The following EYS variants were observed in gnomAD, a reference collection of about 807,000 sequenced individuals.
The protein encoded by EYS is EGF-like photoreceptor maintenance factor.
Under a neutral mutation model 282.1 loss-of-function variants are expected in EYS, and 250 were observed. The observed-to-expected ratio is 0.89, with a 90% CI of 0.80 to 0.98. The LOEUF (loss-of-function observed/expected upper bound fraction) is 0.98. Among genes scored for constraint, EYS ranks in the 50% least tolerant of loss-of-function variants. EYS has a pLI of 0.00. For missense variants in EYS, 4,016 were observed against 3,709.0 expected (o/e 1.08, Z -2.15); for synonymous variants, 1,355 against 1,282.9 (o/e 1.06, Z -1.20).
chr6:64,629,768 GC>G (rs1231916243), intron 22 of EYS, among the ~76,000 whole-genome samples: 1 of 152,096 alleles, frequency 6.6e-6, no homozygotes, highest in Non-Finnish European at 1.5e-5. Flanking sequence ...AGGTCCAAGA[GC>G]TTTTTTCAAA....
chr6:64,519,546 C>T (rs1312585803), intron 26 of EYS, among the ~76,000 whole-genome samples: 2 of 151,756 alleles, frequency 1.3e-5, no homozygotes, highest in African/African-American at 2.4e-5. Flanking sequence ...TCACTTTTAG[C>T]TGAGATGCCT....
chr6:63,732,603 A>G (rs148567439), intron 41 of EYS, among the ~76,000 whole-genome samples: 1 of 152,310 alleles, frequency 6.6e-6, no homozygotes, highest in East Asian at 1.9e-4. Flanking sequence ...TTGTATGTCT[A>G]TCAACTCCTA....
At chr6:64,008,156 C>T (rs1446584656) in intron 33 of EYS, among the ~76,000 whole-genome samples, 1 of 151,984 alleles carries the variant, frequency 6.6e-6, no homozygotes, top group African/African-American at 2.4e-5. Flanking sequence ...GAATCTGGGT[C>T]CTGTGATAGG....
At chr6:63,891,163 A>G (rs967775328) in intron 35 of EYS, among the ~76,000 whole-genome samples, 4 of 152,210 alleles carry the variant, frequency 2.6e-5, no homozygotes, top group Non-Finnish European at 5.9e-5. Flanking sequence ...AGAGGTACAA[A>G]GAGGAGCTGG....
At chr6:64,762,351 G>C (rs1427754786) in intron 22 of EYS, among the ~76,000 whole-genome samples, 1 of 152,074 alleles carries the variant, frequency 6.6e-6, no homozygotes, top group South Asian at 2.1e-4. Flanking sequence ...ACTCATTAGG[G>C]ACTCAATTCA....
intron 31 of EYS, among the ~76,000 whole-genome samples, chr6:64,184,219 G>T (rs1429682026): frequency 6.6e-6 from 1 of 152,150 alleles, no homozygotes; most frequent in Non-Finnish European, 1.5e-5. Context: ...ATGTGGGCAA[G>T]TGTCTCGTCT....
chr6:64,515,307 G>A (rs1024937467), intron 26 of EYS, among the ~76,000 whole-genome samples: 2 of 151,500 alleles, frequency 1.3e-5, no homozygotes, highest in African/African-American at 4.8e-5. Flanking sequence ...TCTTGACTAA[G>A]CCTACAGATT....
At chr6:64,173,778 G>A (rs1764549642) in intron 31 of EYS, among the ~76,000 whole-genome samples, 1 of 152,028 alleles carries the variant, frequency 6.6e-6, no homozygotes, top group Non-Finnish European at 1.5e-5. Context: ...CTAATGAGTG[G>A]TAAAATCTTT....
At chr6:65,150,768 T>C (rs568732587) in intron 12 of EYS, among the ~76,000 whole-genome samples, 21 of 152,120 alleles carry the variant, frequency 1.4e-4, no homozygotes, top group African/African-American at 4.8e-4. Flanking sequence ...TCATATTCTT[T>C]ACATAAATTT....
chr6:65,629,375 G>C (rs931201374), intron 2 of EYS, among the ~76,000 whole-genome samples: 1 of 152,152 alleles, frequency 6.6e-6, no homozygotes, highest in Non-Finnish European at 1.5e-5. Context: ...GCATTAGTCA[G>C]GCTGCAATTT....
At chr6:64,332,770 G>A (rs968035726) in intron 29 of EYS, among the ~76,000 whole-genome samples, 1 of 152,278 alleles carries the variant, frequency 6.6e-6, no homozygotes, top group South Asian at 2.1e-4. Context: ...AAGCTGACTA[G>A]TCTACACATG....
chr6:65,478,179 A>G (rs534397136), intron 5 of EYS, among the ~76,000 whole-genome samples: 1 of 152,196 alleles, frequency 6.6e-6, no homozygotes, highest in South Asian at 2.1e-4. Context: ...ACTTCATTCT[A>G]GAGAAGATAT....
chr6:63,822,903 A>G (rs181233359), intron 36 of EYS, among the ~76,000 whole-genome samples: 54 of 152,280 alleles, frequency 3.5e-4, no homozygotes, highest in Admixed American at 1.7e-3. Context: ...ATTAAATTTT[A>G]GTATTTTATT....
intron 35 of EYS, among the ~76,000 whole-genome samples, chr6:63,917,335 G>A (rs1242462068): frequency 6.6e-6 from 1 of 152,198 alleles, no homozygotes; most frequent in African/African-American, 2.4e-5. Context: ...TACATAATCT[G>A]CTCTCACTGT....
chr6:64,388,620 C>A, intron 29 of EYS, 70 bp downstream of exon 29: 1 of 1,342,676 alleles, frequency 7.4e-7, no homozygotes, highest in South Asian at 1.6e-5. Flanking sequence ...TTTTCTTTTT[C>A]ATTTATCAAT....
intron 31 of EYS, among the ~76,000 whole-genome samples, chr6:64,210,947 A>T (rs936665385): frequency 1.3e-5 from 2 of 152,150 alleles, no homozygotes; most frequent in Admixed American, 6.5e-5. Context: ...TCAGAACTTC[A>T]AGGCTCTCTA....
chr6:65,615,304 T>C (rs1011621002), intron 2 of EYS, among the ~76,000 whole-genome samples: 1 of 151,754 alleles, frequency 6.6e-6, no homozygotes, highest in African/African-American at 2.4e-5. Flanking sequence ...TAAATGAGCA[T>C]TGGCCAATTT....
intron 5 of EYS, among the ~76,000 whole-genome samples, chr6:65,421,273 T>G (rs1767445195): frequency 6.6e-6 from 1 of 151,822 alleles, no homozygotes. Context: ...TGCTTCACAT[T>G]GCACTATTAT....
intron 22 of EYS, among the ~76,000 whole-genome samples, chr6:64,806,270 T>C (rs1361814319): frequency 1.3e-5 from 2 of 151,854 alleles, no homozygotes; most frequent in Non-Finnish European, 2.9e-5. Flanking sequence ...AGTTGATTAA[T>C]GATAGTTGAA....
Sources: allele counts gnomAD v4.1 joint callset (sites outside exome capture counted in the v4.1 genomes callset), GRCh38; gene constraint gnomAD v4.1.1; transcripts MANE v1.5; gene names NCBI Gene and HGNC (gene_info 2026-07-23, HGNC 2026-07-21).